The following SLC18A2 variants were observed in gnomAD, a reference collection of about 807,000 sequenced individuals.
SLC18A2 encodes the protein synaptic vesicular amine transporter.
In SLC18A2, 33 loss-of-function variants were observed where a neutral mutation model predicts 59.2. The observed-to-expected ratio is 0.56, with a 90% CI of 0.42 to 0.75. The LOEUF (loss-of-function observed/expected upper bound fraction) is 0.75, where lower values mean the gene tolerates loss of function less well. Among genes scored for constraint, SLC18A2 ranks in the 30% least tolerant of loss-of-function variants. SLC18A2 has a pLI of 0.00. For synonymous variants in SLC18A2, 228 were observed against 253.5 expected, an observed-to-expected ratio of 0.90 and a Z score of 0.95; for missense variants, 569 against 668.6, an observed-to-expected ratio of 0.85 and a Z score of 1.64.
intron 10 of SLC18A2, among the ~76,000 whole-genome samples, chr10:117,261,830 T>C (rs1410776631): frequency 6.6e-6 from 1 of 152,182 alleles, no homozygotes; most frequent in Non-Finnish European, 1.5e-5. Context: ...GTGACAATGT[T>C]CTGTAATCAG....
At chr10:117,264,293 C>G (rs950915897) in intron 10 of SLC18A2, among the ~76,000 whole-genome samples, 4 of 152,230 alleles carry the variant, frequency 2.6e-5, no homozygotes, top group Admixed American at 1.3e-4. Flanking sequence ...ACACTTTTCT[C>G]AGAGTCGGGA....
At chr10:117,254,609 CT>C in intron 6 of SLC18A2, 112 bp downstream of exon 6, 2 of 576,088 alleles carry the variant, frequency 3.5e-6, no homozygotes, top group Non-Finnish European at 5.6e-6. Flanking sequence ...CAGAGGTCCC[CT>C]TTTTATTTTT....
chr10:117,249,028 G>A (rs939349845), intron 3 of SLC18A2, among the ~76,000 whole-genome samples: 1 of 152,208 alleles, frequency 6.6e-6, no homozygotes, highest in Non-Finnish European at 1.5e-5. Flanking sequence ...GGAAGCCACA[G>A]GGCATGAAAT....
At chr10:117,247,789 G>A (rs1844123675) in intron 3 of SLC18A2, among the ~76,000 whole-genome samples, 1 of 152,094 alleles carries the variant, frequency 6.6e-6, no homozygotes, top group Non-Finnish European at 1.5e-5. Context: ...AAAGCTTCCT[G>A]TAGTCAGGCT....
chr10:117,253,971 C>A, intron 4 of SLC18A2, 77 bp from the exon 5 acceptor site: 7 of 1,327,502 alleles, frequency 5.3e-6, no homozygotes, highest in Non-Finnish European at 6.4e-6. Flanking sequence ...TTAAGGGGGG[C>A]TTCTGAAACG....
chr10:117,276,439 C>G (rs1295541811), intron 15 of SLC18A2, among the ~76,000 whole-genome samples: 2 of 151,360 alleles, frequency 1.3e-5, no homozygotes, highest in Non-Finnish European at 2.9e-5. Context: ...TGGTGAAACC[C>G]CATCTCTACT....
chr10:117,272,666 A>C (rs1844440446), intron 15 of SLC18A2, among the ~76,000 whole-genome samples: 1 of 152,256 alleles, frequency 6.6e-6, no homozygotes, highest in African/African-American at 2.4e-5. Flanking sequence ...GCAAGATGTT[A>C]CAATCCTTAA....
At chr10:117,250,181 C>T (rs1190464010) in intron 3 of SLC18A2, among the ~76,000 whole-genome samples, 1 of 152,146 alleles carries the variant, frequency 6.6e-6, no homozygotes, top group Non-Finnish European at 1.5e-5. Flanking sequence ...GTCTTCTTTG[C>T]CTTGAAGCCG....
rs571564039 is a variant in SLC18A2, at chr10:117,266,424, G to T, written c.992-309G>T. On this transcript the variant is annotated intron_variant, in intron 10 of 15. Transcript: ENST00000644641. ...TCACACATAAGATTGCAGGTGCTGA[G>T]CTCCCAGGCAGGAGCTGTTTGTATT... is the stretch of plus-strand genomic sequence containing the variant. Among the ~76,000 whole-genome samples the T allele has an allele frequency of 2.0e-5, 3 of 152,332 alleles. No individual in the cohort carries two copies. In the East Asian group the frequency reaches 5.8e-4, roughly 29 times the overall value.
chr10:117,241,967 C>G (rs1844060935), intron 2 of SLC18A2, 153 bp downstream of exon 2: 2 of 727,362 alleles, frequency 2.7e-6, no homozygotes. Flanking sequence ...TCCAGGCTGC[C>G]GCGCCGGGGC....
At chr10:117,245,429 T>G (rs969874808) in intron 3 of SLC18A2, among the ~76,000 whole-genome samples, 1 of 152,046 alleles carries the variant, frequency 6.6e-6, no homozygotes, top group African/African-American at 2.4e-5. Flanking sequence ...TGGGATTCTG[T>G]GTGGGGCAGT....
chr10:117,246,936 G>C (rs572187269), intron 3 of SLC18A2, among the ~76,000 whole-genome samples: 1 of 152,300 alleles, frequency 6.6e-6, no homozygotes, highest in Non-Finnish European at 1.5e-5. Context: ...TTACAGGCGT[G>C]AGCCACCGCC....
At chr10:117,272,755 A>G (rs933403656) in intron 15 of SLC18A2, among the ~76,000 whole-genome samples, 1 of 152,208 alleles carries the variant, frequency 6.6e-6, no homozygotes, top group Non-Finnish European at 1.5e-5. Context: ...CCATAATTGA[A>G]GGCATCACAT....
At chr10:117,258,847 A>G (rs886819864) in intron 10 of SLC18A2, among the ~76,000 whole-genome samples, 2 of 149,696 alleles carry the variant, frequency 1.3e-5, no homozygotes, top group Non-Finnish European at 3.0e-5. Context: ...ACTCACTGCA[A>G]CCTCTGCCTC....
Position 117,256,976 on chromosome 10 carries a change from G to A in SLC18A2, c.896-821G>A, listed in dbSNP as rs363247. Among the ~76,000 whole-genome samples the A allele has an allele frequency of 4.0e-3, 609 of 152,322 alleles. 3 individuals carry two copies. Among genetic ancestry groups the A allele is most frequent in the African/African-American group, 0.014 (568 of 41,576 alleles). Reference sequence around the variant, plus strand: ...TGTCATCGACACTTCCAGACAGCCCGACTGGGGAAGGGAGTTGAGAGCCAA... The same window carrying A: ...TGTCATCGACACTTCCAGACAGCCCAACTGGGGAAGGGAGTTGAGAGCCAA... On this transcript the variant is annotated intron_variant, in intron 9 of 15. Transcript: ENST00000644641.
chr10:117,275,648 GT>G (rs1844479773), intron 15 of SLC18A2, among the ~76,000 whole-genome samples: 1 of 152,278 alleles, frequency 6.6e-6, no homozygotes, highest in East Asian at 1.9e-4. Context: ...CTCCGTGCCT[GT>G]TTTCTCACCT....
intron 12 of SLC18A2, chr10:117,267,377 A>G (rs1844360028): frequency 4.5e-6 from 2 of 449,402 alleles, no homozygotes; most frequent in Non-Finnish European, 3.9e-6. Context: ...CCAATGGCCA[A>G]TATCCATCCC....
At chr10:117,249,342 G>A (rs1352950256) in intron 3 of SLC18A2, among the ~76,000 whole-genome samples, 3 of 152,244 alleles carry the variant, frequency 2.0e-5, no homozygotes, top group African/African-American at 4.8e-5. Context: ...TGAGAAGTCC[G>A]TGCCCCCTGG....
intron 9 of SLC18A2, 24 bp from the exon 10 acceptor site, chr10:117,257,773 A>G: frequency 3.2e-6 from 5 of 1,544,278 alleles, no homozygotes; most frequent in Non-Finnish European, 4.4e-6. Flanking sequence ...AGAAGCCACT[A>G]CAAAGCCCTT....
Sources: gnomAD v4.1 joint callset for allele counts (sites outside exome capture counted in the v4.1 genomes callset) on GRCh38, gnomAD v4.1.1 for gene constraint, MANE v1.5 for transcripts, NCBI Gene and HGNC (gene_info 2026-07-23, HGNC 2026-07-21) for gene names.